The following COQ6 variants were observed in gnomAD, a reference collection of about 807,000 sequenced individuals.
COQ6 encodes the protein coenzyme Q6, monooxygenase.
In COQ6, 45 loss-of-function variants were observed where a neutral mutation model predicts 55.5. The observed-to-expected ratio is 0.81, with a 90% CI of 0.64 to 1.04. The LOEUF (loss-of-function observed/expected upper bound fraction) is 1.04. COQ6 is among the 50% of genes least tolerant of loss of function. The pLI is 0.00. For missense variants in COQ6, 550 were observed against 601.3 expected (o/e 0.91, Z 0.89); for synonymous variants, 206 against 230.5 (o/e 0.89, Z 0.96).
intron 6 of COQ6, 23 bp from the exon 7 acceptor site, chr14:73,959,139 A>G: frequency 4.3e-6 from 7 of 1,614,148 alleles, no homozygotes; most frequent in Non-Finnish European, 5.9e-6. Context: ...TTCACAGAGA[A>G]ACTTTTCTCC....
chr14:73,959,358 A>T (rs1299478725), intron 7 of COQ6, 57 bp from the exon 8 acceptor site: 1 of 1,614,124 alleles, frequency 6.2e-7, no homozygotes, highest in South Asian at 1.1e-5. Flanking sequence ...TTTATGCTTG[A>T]GAGTTTCCAA....
chr14:73,959,579 T>C (rs750972131), intron 8 of COQ6, 57 bp downstream of exon 8: 4 of 1,612,900 alleles, frequency 2.5e-6, no homozygotes, highest in Non-Finnish European at 3.4e-6. Context: ...CAGAAAGGTG[T>C]TGTTTTTTTT....
chr14:73,950,541 A>AGCCGC, intron 1 of COQ6, 46 bp downstream of exon 1: 1 of 1,561,620 alleles, frequency 6.4e-7, no homozygotes, highest in Non-Finnish European at 8.7e-7. Context: ...CGGGCCGCGG[A>AGCCGC]GGCACGATGA....
At position 73,959,488 on chromosome 14, in the gene COQ6, A is replaced by G. The variant is rs1251043454; in HGVS notation, c.857A>G (p.Glu286Gly). 3 of 1,614,072 alleles carry G rather than the reference A, an allele frequency of 1.9e-6. No individual in the cohort carries two copies. Among genetic ancestry groups the G allele is most frequent in the African/African-American group, 2.7e-5 (2 of 74,926 alleles). Reference sequence around the variant, plus strand: ...GCAGCAGAGCTAGTTAGCATGGATGAGGAAAAATTTGTGGATGCCGTTAAC... The same window carrying G: ...GCAGCAGAGCTAGTTAGCATGGATGGGGAAAAATTTGTGGATGCCGTTAAC... ...EHAAELVSMD[E>G]EKFVDAVNSA... is the part of the protein sequence containing the mutation. The change falls in exon 8 of 12, where the codon GAG becomes GGG. Residue 286 changes from glutamate to glycine, a missense_variant. Transcript: ENST00000334571.
At chr14:73,952,327 T>G (rs765317944) in intron 1 of COQ6, among the ~76,000 whole-genome samples, 8 of 151,840 alleles carry the variant, frequency 5.3e-5, no homozygotes, top group Non-Finnish European at 1.2e-4. Flanking sequence ...TTCACCATGT[T>G]GCCCACGCTG....
chr14:73,954,956 T>A (rs1227304840), intron 2 of COQ6, among the ~76,000 whole-genome samples: 46 of 32,682 alleles, frequency 1.4e-3, no homozygotes, highest in African/African-American at 3.3e-3. Context: ...TTTATTTTAT[T>A]TTTTTTTTTT....
intron 11 of COQ6, chr14:73,962,744 G>A (rs1257724723): frequency 1.8e-6 from 1 of 557,770 alleles, no homozygotes; most frequent in Non-Finnish European, 3.2e-6. Context: ...TTGAGCCTAG[G>A]AGTTTGAGGC....
rs2056386792 is a variant in COQ6 at position 73,955,401 on chromosome 14, G to C, written c.299-50G>C. 2.1e-6 allele frequency: 3 copies of C among 1,411,976 alleles called. No individual in the cohort carries two copies. The African/African-American group carries it at 4.2e-5, about 20-fold the overall frequency. The allele number at this position is 1,411,976 out of a possible 1,614,324, so 87.5% of individuals were successfully genotyped here. A position where few individuals can be genotyped will look rare whatever the true frequency, so the allele number is the denominator to read the frequency against. On this transcript the variant is annotated intron_variant, in intron 2 of 11. Coordinates refer to ENST00000334571, the MANE Select transcript of COQ6 (RefSeq NM_182476.3). ...TAACAGGATGGAGGGACAAGGGGGAGCCCAGGTCCTTGTGAAGTCACTCTG... is the reference window on the plus strand; with the variant it reads ...TAACAGGATGGAGGGACAAGGGGGACCCCAGGTCCTTGTGAAGTCACTCTG...
chr14:73,958,732 G>T (rs964183628), intron 5 of COQ6: 201 of 1,420,414 alleles, frequency 1.4e-4, no homozygotes, highest in Non-Finnish European at 1.8e-4. Context: ...AGGAGGGCCT[G>T]GCTGAGTTTA....
At chr14:73,961,001 A>G in intron 8 of COQ6, 172 bp from the exon 9 acceptor site, 1 of 763,614 alleles carries the variant, frequency 1.3e-6, no homozygotes, top group Non-Finnish European at 2.2e-6. Flanking sequence ...ACCTCTGGGG[A>G]GTGATGAGAA....
At chr14:73,956,205 A>G (rs913478578) in intron 4 of COQ6, 17 of 373,712 alleles carry the variant, frequency 4.5e-5, no homozygotes, top group Admixed American at 3.7e-4. Context: ...GCGGGCGCCT[A>G]TAGACCCAGC....
rs200922212 is a variant in COQ6, at chr14:73,961,779, G to A, written c.1253G>A (p.Arg418His). 35 of 1,614,136 alleles carry A rather than the reference G, an allele frequency of 2.2e-5. No individual in the cohort carries two copies. The highest frequency in any genetic ancestry group is 1.7e-4 in the Middle Eastern group (1 of 6,060). ...ACAGGTTATGAAACAGAAAGACAGCGTCACAACACTGCTCTTCTGGCTGCT... is the reference window on the plus strand; with the variant it reads ...ACAGGTTATGAAACAGAAAGACAGCATCACAACACTGCTCTTCTGGCTGCT... ...HLTGYETERQ[R>H]HNTALLAATD... The change falls in exon 11 of 12, where the codon CGT (arginine) becomes CAT (histidine). Residue 418 changes from arginine to histidine, a missense_variant. Transcript: ENST00000334571.
upstream of COQ6, chr14:73,950,272 C>CCGGA (rs1306402724): frequency 2.6e-6 from 4 of 1,539,234 alleles, no homozygotes; most frequent in Non-Finnish European, 3.5e-6. Flanking sequence ...GTGCTCTGCT[C>CCGGA]CGGACGCACT....
At chr14:73,954,944 TTTTTA>T (rs1566684043) in intron 2 of COQ6, among the ~76,000 whole-genome samples, 4 of 135,074 alleles carry the variant, frequency 3.0e-5, no homozygotes, top group Non-Finnish European at 6.1e-5. Context: ...GTCTTTTTTT[TTTTTA>T]TTTTATTTTT....
rs1332410959 is a variant in COQ6, at chr14:73,963,362, G to A, written c.*363G>A. On this transcript the variant is annotated 3_prime_UTR_variant, in exon 12 of 12. Transcript: ENST00000334571. Reference sequence around the variant, plus strand: ...ATGTTGGTCATAAATTTATACAGTTGTTTTTTGATAGAGGTAAGAATTAGA... The same window carrying A: ...ATGTTGGTCATAAATTTATACAGTTATTTTTTGATAGAGGTAAGAATTAGA... 8.1e-6 allele frequency: 3 copies of A among 371,396 alleles called. No individual in the cohort carries two copies. Among genetic ancestry groups the A allele is most frequent in the South Asian group, 1.1e-4 (2 of 19,040 alleles). 23.0% of individuals were successfully genotyped at this position (371,396 alleles called of 1,614,324 possible). A position where few individuals can be genotyped will look rare whatever the true frequency, so the allele number is the denominator to read the frequency against.
rs767495633 is a variant in COQ6, at chr14:73,961,918, A to G, written c.1377+15A>G. Reference sequence around the variant, plus strand: ...CTCCACTCAAAGTAAGAGGTTGCTCAGAGGAATGACTTTGCAAACAGCTCT... The same window carrying G: ...CTCCACTCAAAGTAAGAGGTTGCTCGGAGGAATGACTTTGCAAACAGCTCT... On this transcript the variant is annotated intron_variant, in intron 11 of 11. Coordinates refer to ENST00000334571, the MANE Select transcript of COQ6 (RefSeq NM_182476.3). The G allele has an allele frequency of 3.7e-6, 6 of 1,614,036 alleles. No homozygotes were observed. The South Asian group carries it at 6.6e-5, about 18-fold the overall frequency.
chr14:73,950,065 AGTGGCAGCAGCG>A (rs376650648), upstream of COQ6: 798 of 1,608,978 alleles, frequency 5.0e-4, 2 homozygotes, highest in African/African-American at 4.2e-3. Flanking sequence ...TGACAGCGAT[AGTGGCAGCAGCG>A]GTGGCAGCGA....
At chr14:73,958,936 G>T in intron 5 of COQ6, 35 bp from the exon 6 acceptor site, 1 of 1,612,426 alleles carries the variant, frequency 6.2e-7, no homozygotes, top group South Asian at 1.1e-5. Context: ...TTATGAAGAG[G>T]CTGGAAGACT....
intron 2 of COQ6, among the ~76,000 whole-genome samples, chr14:73,954,780 C>T (rs1465092832): frequency 7.3e-6 from 1 of 137,732 alleles, no homozygotes. Context: ...GGAGGCGGAG[C>T]TTGCAGTGAG....
Sources: allele counts gnomAD v4.1 joint callset (sites outside exome capture counted in the v4.1 genomes callset), GRCh38; gene constraint gnomAD v4.1.1; transcripts MANE v1.5; gene names NCBI Gene and HGNC (gene_info 2026-07-23, HGNC 2026-07-21).